NME7: variants seen among roughly 807,000 people sequenced by gnomAD.
NME7 encodes NME/NM23 family member 7.
In NME7, 41 loss-of-function variants were observed where a neutral mutation model predicts 49.1. The observed-to-expected ratio is 0.83, with a 90% CI of 0.65 to 1.08. NME7 has a LOEUF of 1.08. Ranked by LOEUF, NME7 falls within the 50% of genes least tolerant of loss-of-function variation. The pLI is 0.00. For synonymous variants in NME7, 139 were observed against 150.6 expected, an observed-to-expected ratio of 0.92 and a Z score of 0.56; for missense variants, 423 against 463.4, an observed-to-expected ratio of 0.91 and a Z score of 0.80.
At chr1:169,266,245 C>T (rs1200848421) in intron 7 of NME7, among the ~76,000 whole-genome samples, 2 of 133,290 alleles carry the variant, frequency 1.5e-5, no homozygotes, top group African/African-American at 5.1e-5. Context: ...TCCAGCAGCA[C>T]ATCAAAAAGT....
At chr1:169,308,348 G>T (rs1033473881) in intron 4 of NME7, among the ~76,000 whole-genome samples, 1 of 152,110 alleles carries the variant, frequency 6.6e-6, no homozygotes. Context: ...CTGACCCATG[G>T]AATAAATCCA....
intron 11 of NME7, among the ~76,000 whole-genome samples, chr1:169,152,764 C>T (rs778597167): frequency 4.1e-4 from 62 of 152,204 alleles, no homozygotes; most frequent in Admixed American, 1.4e-3. Context: ...TCAGAGTATA[C>T]GCGTCCATTA....
intron 11 of NME7, among the ~76,000 whole-genome samples, chr1:169,162,068 G>A (rs989369207): frequency 1.3e-5 from 2 of 152,120 alleles, no homozygotes; most frequent in Non-Finnish European, 2.9e-5. Context: ...AGCACAAGAG[G>A]ACCGTTTTCT....
chr1:169,357,835 T>C (rs1206129573), intron 1 of NME7, among the ~76,000 whole-genome samples: 2 of 152,094 alleles, frequency 1.3e-5, no homozygotes, highest in Non-Finnish European at 2.9e-5. Flanking sequence ...AAATCTCACA[T>C]GACCAGCAAT....
At chr1:169,295,222 T>C (rs1650663302) in intron 6 of NME7, among the ~76,000 whole-genome samples, 2 of 152,188 alleles carry the variant, frequency 1.3e-5, no homozygotes, top group South Asian at 4.1e-4. Flanking sequence ...CAGGTATTCC[T>C]TCACAGCAAC....
At chr1:169,350,289 A>AAGGAAGGAAGGAGC (rs1343344770) in intron 1 of NME7, among the ~76,000 whole-genome samples, 20 of 20,632 alleles carry the variant, frequency 9.7e-4, no homozygotes, top group African/African-American at 2.3e-3. Context: ...AAGGAAGGAA[A>AAGGAAGGAAGGAGC]GAGCCCTGCT....
At position 169,298,623 on chromosome 1, in the gene NME7, G is replaced by A. The variant is rs1475771255; in HGVS notation, c.581C>T (p.Ala194Val). 1.2e-6 allele frequency: 2 copies of A among 1,613,850 alleles called. No homozygotes were observed. Among genetic ancestry groups the A allele is most frequent in the Non-Finnish European group, 8.5e-7 (1 of 1,179,918 alleles). Reference sequence around the variant, plus strand: ...TCTTATGCCATCTGTTCCAAAGAGGGCTCTAATGCTTTCAGAAGCATCTGT... The same window carrying A: ...TCTTATGCCATCTGTTCCAAAGAGGACTCTAATGCTTTCAGAAGCATCTGT... ...ARTDASESIR[A>V]LFGTDGIRNA... is the part of the protein sequence containing the mutation. The change falls in exon 6 of 12, where the codon GCC becomes GTC. Residue 194 changes from alanine (A) to valine (V), a missense_variant. Transcript: ENST00000367811.
chr1:169,337,066 C>T (rs564839213), intron 1 of NME7, among the ~76,000 whole-genome samples: 2 of 152,236 alleles, frequency 1.3e-5, no homozygotes, highest in African/African-American at 2.4e-5. Flanking sequence ...GTCCCAGTGC[C>T]GTGTGCCCGC....
intron 10 of NME7, among the ~76,000 whole-genome samples, chr1:169,222,706 C>A (rs1661181255): frequency 6.6e-6 from 1 of 152,144 alleles, no homozygotes; most frequent in East Asian, 1.9e-4. Context: ...GTGGAGCTGG[C>A]CTTGACTTCA....
At chr1:169,280,016 T>C (rs983349488) in intron 7 of NME7, among the ~76,000 whole-genome samples, 1 of 152,252 alleles carries the variant, frequency 6.6e-6, no homozygotes, top group Non-Finnish European at 1.5e-5. Context: ...TTTCCAATTC[T>C]AGATCCTTGA....
rs1356857624 is a variant in NME7 at position 169,309,877 on chromosome 1, G to GT, written c.389+92dup. The GT allele has an allele frequency of 2.2e-5, 17 of 776,602 alleles. No homozygotes were observed. The Admixed American group carries it at 5.4e-4, about 24-fold the overall frequency. The allele number at this position is 776,602 out of a possible 1,614,324, so 48.1% of individuals were successfully genotyped here. Reference sequence around the variant, plus strand: ...TCTATTCTTTGTCATTCAATACGAGGTTTTTTAATTTTAAACAATGACAAG... The same window carrying GT: ...TCTATTCTTTGTCATTCAATACGAGGTTTTTTTAATTTTAAACAATGACAAG... On this transcript the variant is annotated intron_variant, in intron 4 of 11. Coordinates refer to ENST00000367811, the MANE Select transcript of NME7 (RefSeq NM_013330.5).
intron 7 of NME7, among the ~76,000 whole-genome samples, chr1:169,259,568 T>C (rs2101861521): frequency 7.5e-6 from 1 of 134,034 alleles, no homozygotes; most frequent in South Asian, 2.3e-4. Context: ...ATTTCTAAAT[T>C]TTTCTACTAA....
At chr1:169,331,495 A>G (rs1371238689) in intron 1 of NME7, among the ~76,000 whole-genome samples, 2 of 152,224 alleles carry the variant, frequency 1.3e-5, no homozygotes, top group East Asian at 3.9e-4. Context: ...AGAGAAAGAT[A>G]TAAAGGGCAT....
At chr1:169,307,552 C>G (rs947700785) in intron 4 of NME7, among the ~76,000 whole-genome samples, 1 of 152,150 alleles carries the variant, frequency 6.6e-6, no homozygotes, top group African/African-American at 2.4e-5. Context: ...CTATGGTGCT[C>G]TTGAAGTGTT....
intron 7 of NME7, among the ~76,000 whole-genome samples, chr1:169,274,538 G>A (rs1208187745): frequency 7.5e-6 from 1 of 133,806 alleles, no homozygotes; most frequent in South Asian, 2.3e-4. Context: ...TGAAGTCGTC[G>A]CCTATGCCTA....
At chr1:169,171,919 C>T (rs187548145) in intron 10 of NME7, among the ~76,000 whole-genome samples, 37 of 151,990 alleles carry the variant, frequency 2.4e-4, no homozygotes, top group Non-Finnish European at 4.1e-4. Context: ...GGGGTGCTAC[C>T]ATTTTTCCTG....
chr1:169,156,157 A>AAAAAAAAAAAAAT (rs1659063104), intron 11 of NME7, among the ~76,000 whole-genome samples: 1 of 151,640 alleles, frequency 6.6e-6, no homozygotes, highest in Non-Finnish European at 1.5e-5. Flanking sequence ...GTCTCTACAA[A>AAAAAAAAAAAAAT]AAAAAATTAG....
chr1:169,218,002 A>C (rs965504274), intron 10 of NME7, among the ~76,000 whole-genome samples: 2 of 152,158 alleles, frequency 1.3e-5, no homozygotes, highest in South Asian at 2.1e-4. Context: ...AATTTCCTTA[A>C]GTTTTGGGAT....
At chr1:169,224,273 C>T (rs2101810337) in intron 10 of NME7, among the ~76,000 whole-genome samples, 1 of 152,300 alleles carries the variant, frequency 6.6e-6, no homozygotes, top group East Asian at 1.9e-4. Context: ...CCATGCCAGG[C>T]TGCTCCCCAG....
Sources: allele counts gnomAD v4.1 joint callset (sites outside exome capture counted in the v4.1 genomes callset), GRCh38; gene constraint gnomAD v4.1.1; transcripts MANE v1.5; gene names NCBI Gene and HGNC (gene_info 2026-07-23, HGNC 2026-07-21).